Variants in GCSAML observed in about 807,000 individuals in gnomAD.
GCSAML encodes the protein germinal center associated signaling and motility like.
A neutral mutation model predicts 13.0 loss-of-function variants in GCSAML; 9 were observed. That is an observed-to-expected ratio of 0.69 (90% CI 0.42 to 1.21). The LOEUF (loss-of-function observed/expected upper bound fraction) is 1.21. GCSAML is among the 50% of genes most tolerant of loss of function. The probability of loss-of-function intolerance (pLI) is 0.00; values close to 1 mark genes in which losing one functional copy is unlikely to be tolerated. For missense variants in GCSAML, 143 were observed against 153.4 expected (o/e 0.93, Z 0.36); for synonymous variants, 37 against 52.9 (o/e 0.70, Z 1.31).
upstream of GCSAML, among the ~76,000 whole-genome samples, chr1:247,546,464 T>C (rs1054014183): frequency 7.2e-5 from 11 of 152,152 alleles, no homozygotes; most frequent in East Asian, 3.9e-4. Flanking sequence ...GTTCACGCCA[T>C]TCTCCTGCCT....
intron 2 of GCSAML, among the ~76,000 whole-genome samples, chr1:247,542,288 TA>T (rs918829398): frequency 6.6e-6 from 1 of 151,924 alleles, no homozygotes; most frequent in African/African-American, 2.4e-5. Flanking sequence ...CCTTGTCTTT[TA>T]AAAAAAGGAA....
intron 2 of GCSAML, chr1:247,529,823 CAGTTGAAAGCCTTA>C (rs1333304000): frequency 6.8e-6 from 1 of 146,964 alleles, no homozygotes; most frequent in Non-Finnish European, 1.5e-5. Context: ...CTCATCCCAT[CAGTTGAAAGCCTTA>C]AGAGAAAAGA....
At chr1:247,538,462 A>G (rs1463680238) in intron 2 of GCSAML, among the ~76,000 whole-genome samples, 1 of 152,180 alleles carries the variant, frequency 6.6e-6, no homozygotes, top group Non-Finnish European at 1.5e-5. Context: ...TTATGAACTG[A>G]ATTGTGCCCT....
At chr1:247,516,176 C>T (rs1666204129) in intron 1 of GCSAML, among the ~76,000 whole-genome samples, 1 of 152,190 alleles carries the variant, frequency 6.6e-6, no homozygotes, top group Admixed American at 6.5e-5. Flanking sequence ...TACGGCAGGA[C>T]CACTTCCTTC....
At chr1:247,523,088 C>CATCT (rs1275144775) in intron 1 of GCSAML, among the ~76,000 whole-genome samples, 4 of 152,092 alleles carry the variant, frequency 2.6e-5, no homozygotes, top group Admixed American at 2.6e-4. Context: ...AATGAACCTC[C>CATCT]ATCTACTGTT....
chr1:247,549,642 C>CT (rs1184557628), intron 1 of GCSAML, among the ~76,000 whole-genome samples: 1 of 152,156 alleles, frequency 6.6e-6, no homozygotes, highest in African/African-American at 2.4e-5. Context: ...TCCTGCTTCT[C>CT]TTTTTCTTCA....
At chr1:247,513,869 G>A (rs769359702) in intron 1 of GCSAML, among the ~76,000 whole-genome samples, 3 of 152,324 alleles carry the variant, frequency 2.0e-5, no homozygotes, top group Admixed American at 1.3e-4. Flanking sequence ...CCAGTGAGAT[G>A]AGCTGGGTAC....
intron 2 of GCSAML, among the ~76,000 whole-genome samples, chr1:247,557,241 C>T (rs894074559): frequency 3.9e-5 from 6 of 152,076 alleles, no homozygotes; most frequent in African/African-American, 1.2e-4. Flanking sequence ...CTCTATATGT[C>T]GTTTGAGCTC....
intron 1 of GCSAML, among the ~76,000 whole-genome samples, chr1:247,517,581 A>C (rs1488189111): frequency 1.3e-5 from 2 of 152,166 alleles, no homozygotes; most frequent in African/African-American, 4.8e-5. Context: ...AAATAACAAA[A>C]AGCTTGTTTA....
At chr1:247,563,717 C>G (rs1668227286) in intron 3 of GCSAML, 78 bp downstream of exon 3, 1 of 741,486 alleles carries the variant, frequency 1.3e-6, no homozygotes, top group Non-Finnish European at 2.3e-6. Context: ...ACTCTTGAGC[C>G]TATTGTAATA....
intron 1 of GCSAML, among the ~76,000 whole-genome samples, chr1:247,521,874 C>T (rs1208335164): frequency 4.6e-5 from 7 of 151,884 alleles, no homozygotes; most frequent in Non-Finnish European, 8.8e-5. Context: ...CTCTGCCCGG[C>T]TGCCCAGTCT....
rs1666958334 is a variant in GCSAML, at chr1:247,531,599, T to C, written c.-148+4545T>C. On this transcript the variant is annotated intron_variant, in intron 2 of 5. Transcript: ENST00000366489. ...GAGCCACAGCAGTTCTCTAATACCATGTGCCGGAGGGCGCTCTTCACCTCC... is the reference window on the plus strand; with the variant it reads ...GAGCCACAGCAGTTCTCTAATACCACGTGCCGGAGGGCGCTCTTCACCTCC... 1.9e-6 allele frequency: 3 copies of C among 1,614,162 alleles called. No homozygotes were observed. The highest frequency in any genetic ancestry group is 2.5e-6 in the Non-Finnish European group (3 of 1,180,008).
upstream of GCSAML, chr1:247,549,058 C>T (rs780974411): frequency 5.6e-6 from 9 of 1,596,984 alleles, no homozygotes; most frequent in African/African-American, 6.7e-5. Flanking sequence ...CCTGGCAGCT[C>T]GTGGTTGGCA....
intron 4 of GCSAML, among the ~76,000 whole-genome samples, chr1:247,569,883 G>A (rs538541338): frequency 1.3e-5 from 2 of 152,222 alleles, no homozygotes; most frequent in East Asian, 1.9e-4. Context: ...TTCAGTTTCA[G>A]AACTTGTTAT....
intron 2 of GCSAML, among the ~76,000 whole-genome samples, chr1:247,562,868 A>G (rs1558258005): frequency 2.0e-5 from 3 of 149,964 alleles, no homozygotes; most frequent in African/African-American, 7.4e-5. Flanking sequence ...TGAGATGGAG[A>G]CTCGCTCTGT....
At chr1:247,521,968 TGTG>T (rs1231794254) in intron 1 of GCSAML, among the ~76,000 whole-genome samples, 1 of 150,806 alleles carries the variant, frequency 6.6e-6, no homozygotes. Context: ...TCGTCTGAGA[TGTG>T]GGGAGCGCCT....
At chr1:247,544,706 A>G (rs1667510474), upstream of GCSAML, among the ~76,000 whole-genome samples, 1 of 151,934 alleles carries the variant, frequency 6.6e-6, no homozygotes, top group Non-Finnish European at 1.5e-5. Flanking sequence ...AAAAACAATA[A>G]TTATCTGGGC....
At chr1:247,566,416 A>G (rs1668368091) in intron 4 of GCSAML, among the ~76,000 whole-genome samples, 1 of 151,850 alleles carries the variant, frequency 6.6e-6, no homozygotes, top group South Asian at 2.1e-4. Flanking sequence ...CTAATTTTTT[A>G]TTTTTAGTAG....
At chr1:247,564,492 G>A (rs1419841768) in intron 3 of GCSAML, among the ~76,000 whole-genome samples, 1 of 152,076 alleles carries the variant, frequency 6.6e-6, no homozygotes, top group Non-Finnish European at 1.5e-5. Flanking sequence ...AGCCCCTGTG[G>A]ACAAGTATAC....
Sources: allele counts gnomAD v4.1 joint callset (sites outside exome capture counted in the v4.1 genomes callset), GRCh38; gene constraint gnomAD v4.1.1; transcripts MANE v1.5; gene names NCBI Gene and HGNC (gene_info 2026-07-23, HGNC 2026-07-21).